Variants in USP32 observed in about 807,000 individuals in gnomAD.
The protein encoded by USP32 is ubiquitin specific peptidase 32, also known as ubiquitin carboxyl-terminal hydrolase 32.
Under a neutral mutation model 204.8 loss-of-function variants are expected in USP32, and 59 were observed. The ratio of observed to expected loss-of-function variants is 0.29; its 90% CI spans 0.23 to 0.36. The LOEUF (loss-of-function observed/expected upper bound fraction) is 0.36. USP32 is among the 10% of genes least tolerant of loss of function. USP32 has a pLI of 1.00. For missense variants in USP32, 1,160 were observed against 1,946.4 expected (o/e 0.60, Z 7.60); for synonymous variants, 517 against 678.4 (o/e 0.76, Z 3.70).
At chr17:60,333,348 C>A (rs1487293872) in intron 2 of USP32, among the ~76,000 whole-genome samples, 1 of 152,130 alleles carries the variant, frequency 6.6e-6, no homozygotes, top group Non-Finnish European at 1.5e-5. Flanking sequence ...GCCTGTAATC[C>A]CAGCACTTTG....
chr17:60,198,108 A>C, intron 27 of USP32, 152 bp downstream of exon 27: 1 of 1,070,454 alleles, frequency 9.3e-7, no homozygotes, highest in South Asian at 1.8e-5. Flanking sequence ...TCCAAATATC[A>C]AACCAAATGG....
intron 26 of USP32, among the ~76,000 whole-genome samples, chr17:60,203,645 C>T (rs1238540256): frequency 1.3e-5 from 2 of 151,850 alleles, no homozygotes; most frequent in African/African-American, 2.4e-5. Flanking sequence ...GGCACGATCT[C>T]GGCTCACTGC....
At chr17:60,279,158 C>T (rs2086905898) in intron 5 of USP32, among the ~76,000 whole-genome samples, 1 of 152,156 alleles carries the variant, frequency 6.6e-6, no homozygotes, top group Admixed American at 6.5e-5. Context: ...AACATCATAT[C>T]TGTCCTCCTG....
intron 11 of USP32, among the ~76,000 whole-genome samples, chr17:60,251,905 G>A (rs1249266505): frequency 6.6e-6 from 1 of 151,946 alleles, no homozygotes; most frequent in East Asian, 1.9e-4. Flanking sequence ...ATATGATCTA[G>A]AGTGAAAATA....
At chr17:60,390,896 T>G (rs2089822564) in intron 1 of USP32, among the ~76,000 whole-genome samples, 1 of 152,206 alleles carries the variant, frequency 6.6e-6, no homozygotes, top group Non-Finnish European at 1.5e-5. Flanking sequence ...CATACACAGA[T>G]CTACACACAC....
intron 6 of USP32, among the ~76,000 whole-genome samples, chr17:60,270,296 G>T (rs950481309): frequency 6.6e-6 from 1 of 152,168 alleles, no homozygotes; most frequent in Non-Finnish European, 1.5e-5. Context: ...TGGCTCCCCT[G>T]ACAAGTACTT....
chr17:60,276,946 C>T (rs905651344), intron 5 of USP32, among the ~76,000 whole-genome samples: 3 of 140,738 alleles, frequency 2.1e-5, no homozygotes, highest in Non-Finnish European at 3.0e-5. Context: ...ATTACATATA[C>T]ATATATATAT....
At chr17:60,374,151 T>TCTAG (rs2089496529) in intron 1 of USP32, among the ~76,000 whole-genome samples, 1 of 151,760 alleles carries the variant, frequency 6.6e-6, no homozygotes, top group Non-Finnish European at 1.5e-5. Flanking sequence ...ACCACTGCAC[T>TCTAG]CTAGCCTCAG....
Position 60,177,680 on chromosome 17 carries a change from G to A in USP32, c.*1575C>T, listed in dbSNP as rs1321498209. On this transcript the variant is annotated 3_prime_UTR_variant, in exon 34 of 34. Transcript: ENST00000300896. The stretch of plus-strand genomic sequence containing the variant: ...TGACTTTATTACATTAGACAATTTA[G>A]GCCAGTCCTACCTACTTGCAATTAT... Among the ~76,000 whole-genome samples, 1 of 152,104 alleles carries A rather than the reference G, an allele frequency of 6.6e-6. No individual in the cohort carries two copies. Among genetic ancestry groups the A allele is most frequent in the Non-Finnish European group, 1.5e-5 (1 of 68,012 alleles).
At chr17:60,314,128 C>CTTTTTTT (rs35830572) in intron 2 of USP32, among the ~76,000 whole-genome samples, 8 of 52,828 alleles carry the variant, frequency 1.5e-4, no homozygotes, top group African/African-American at 3.9e-4. Context: ...TATTGTGTGG[C>CTTTTTTT]TTTTTTTTTT....
intron 5 of USP32, among the ~76,000 whole-genome samples, chr17:60,285,731 C>T (rs990505840): frequency 6.6e-6 from 1 of 151,952 alleles, no homozygotes; most frequent in African/African-American, 2.4e-5. Context: ...GATAAGAAGG[C>T]AAGAAAAGGT....
intron 30 of USP32, 110 bp from the exon 31 acceptor site, chr17:60,183,563 A>G: frequency 7.2e-7 from 1 of 1,390,028 alleles, no homozygotes; most frequent in African/African-American, 1.4e-5. Flanking sequence ...ATATAACAGA[A>G]CATTTACTCT....
chr17:60,282,386 G>A (rs1035649859), intron 5 of USP32, among the ~76,000 whole-genome samples: 3 of 151,846 alleles, frequency 2.0e-5, no homozygotes, highest in Non-Finnish European at 2.9e-5. Flanking sequence ...ACGGGGTCTC[G>A]CTCTATTGCC....
chr17:60,208,034 A>G (rs1567766945), intron 24 of USP32, 25 bp downstream of exon 24: 2 of 1,548,290 alleles, frequency 1.3e-6, no homozygotes, highest in Non-Finnish European at 1.7e-6. Context: ...TAGAATCAAA[A>G]GTTTCTTAGA....
At chr17:60,287,378 T>A (rs1302432458) in intron 5 of USP32, among the ~76,000 whole-genome samples, 1 of 152,220 alleles carries the variant, frequency 6.6e-6, no homozygotes, top group East Asian at 1.9e-4. Flanking sequence ...GTATCCTCCA[T>A]GTATTGATTT....
At chr17:60,209,771 G>C (rs1193373192) in intron 21 of USP32, among the ~76,000 whole-genome samples, 1 of 152,040 alleles carries the variant, frequency 6.6e-6, no homozygotes, top group African/African-American at 2.4e-5. Flanking sequence ...GTGCAATACT[G>C]TGTCCTCAGT....
intron 5 of USP32, among the ~76,000 whole-genome samples, chr17:60,285,383 T>TA (rs1475112726): frequency 6.6e-6 from 1 of 152,176 alleles, no homozygotes; most frequent in Non-Finnish European, 1.5e-5. Flanking sequence ...AGTCAGAACT[T>TA]TTAATAATAA....
chr17:60,341,849 A>G (rs951834636), intron 2 of USP32, among the ~76,000 whole-genome samples: 1 of 152,108 alleles, frequency 6.6e-6, no homozygotes, highest in Non-Finnish European at 1.5e-5. Flanking sequence ...GGGTTCGAAC[A>G]TACTCCTTTA....
Position 60,181,758 on chromosome 17 carries a change from G to C in USP32, c.4124-10C>G. On this transcript the variant is annotated splice_polypyrimidine_tract_variant and intron_variant, in intron 31 of 33. Coordinates refer to ENST00000300896, the MANE Select transcript of USP32 (RefSeq NM_032582.4). ...GATGAAGAAGGAGAACCTGTGAACA[G>C]GACAGAAGAAAAGATTCACAAATTC... 3 of 1,592,370 alleles carry C rather than the reference G, an allele frequency of 1.9e-6. No homozygotes were observed. The highest frequency in any genetic ancestry group is 2.6e-6 in the Non-Finnish European group (3 of 1,170,248).
Sources: allele counts gnomAD v4.1 joint callset (sites outside exome capture counted in the v4.1 genomes callset), GRCh38; gene constraint gnomAD v4.1.1; transcripts MANE v1.5; gene names NCBI Gene and HGNC (gene_info 2026-07-23, HGNC 2026-07-21).